BPIFA2: variants seen among roughly 807,000 people sequenced by gnomAD.
The protein encoded by BPIFA2 is BPI fold-containing family A member 2.
BPIFA2 carries 20 observed loss-of-function variants against 25.7 expected under a neutral mutation model. The observed-to-expected ratio is 0.78, with a 90% confidence interval of 0.55 to 1.13. BPIFA2 has a LOEUF of 1.13. Ranked by LOEUF, BPIFA2 falls within the 50% of genes most tolerant of loss-of-function variation. BPIFA2 has a pLI of 0.00. For synonymous variants in BPIFA2, 126 were observed against 124.3 expected, an observed-to-expected ratio of 1.01 and a Z score of -0.09; for missense variants, 300 against 298.1, an observed-to-expected ratio of 1.01 and a Z score of -0.05.
chr20:33,168,374 G>A (rs1316463012), intron 1 of BPIFA2, among the ~76,000 whole-genome samples, 165 bp downstream of exon 1: 1 of 152,138 alleles, frequency 6.6e-6, no homozygotes, highest in Non-Finnish European at 1.5e-5. Context: ...TTCGTGATGA[G>A]TACTCACTAA....
At chr20:33,172,552 T>C (rs567780584) in intron 2 of BPIFA2, among the ~76,000 whole-genome samples, 1 of 152,240 alleles carries the variant, frequency 6.6e-6, no homozygotes, top group Admixed American at 6.5e-5. Flanking sequence ...TTCTTTCTAG[T>C]TTTTCAAACT....
At chr20:33,174,988 T>C (rs117981615) in intron 4 of BPIFA2, among the ~76,000 whole-genome samples, 133 of 152,322 alleles carry the variant, frequency 8.7e-4, no homozygotes, top group Non-Finnish European at 1.6e-3. Flanking sequence ...GTAAACTACA[T>C]GCACTAATGA....
chr20:33,162,144 C>G (rs967419970), intron 1 of BPIFA2, among the ~76,000 whole-genome samples: 2 of 152,106 alleles, frequency 1.3e-5, no homozygotes, highest in African/African-American at 4.8e-5. Flanking sequence ...CCACACCCGG[C>G]TAATTTTTGT....
intron 1 of BPIFA2, among the ~76,000 whole-genome samples, chr20:33,162,730 T>G (rs1983616367): frequency 6.6e-6 from 1 of 152,130 alleles, no homozygotes; most frequent in African/African-American, 2.4e-5. Flanking sequence ...GGACCCAAAT[T>G]GAGGTCTGGC....
intron 5 of BPIFA2, 78 bp downstream of exon 5, chr20:33,175,637 T>A: frequency 7.0e-7 from 1 of 1,434,936 alleles, no homozygotes; most frequent in Non-Finnish European, 9.6e-7. Flanking sequence ...GTCCTCTACC[T>A]AAGAGGAGGC....
In BPIFA2 at chr20:33,169,269, G is replaced by A. The variant is rs142611278; in HGVS notation, c.124G>A (p.Glu42Lys). Residue 42 changes from glutamate to lysine, a missense_variant, in exon 2 of 9, where the codon GAG becomes AAG. By Grantham distance (56) the Glu-to-Lys change is moderately conservative (BLOSUM62 1). Transcript: ENST00000354932. ...GGATAAGCTGGAACCTGTTCTTCAC[G>A]AGGGACTTGAGACAGTTGACAATAC... ...VVDKLEPVLH[E>K]GLETVDNTLK... 1.3e-5 allele frequency: 21 copies of A among 1,614,000 alleles called. No individual in the cohort carries two copies. In the Middle Eastern group the frequency reaches 4.9e-4, roughly 38 times the overall value.
chr20:33,181,060 G>C (rs1223381322), intron 8 of BPIFA2, among the ~76,000 whole-genome samples, 164 bp from the exon 9 acceptor site: 1 of 152,196 alleles, frequency 6.6e-6, no homozygotes, highest in Non-Finnish European at 1.5e-5. Context: ...ACAGGTGCCA[G>C]TTTCTTCTTC....
At chr20:33,162,518 C>T (rs111487224) in intron 1 of BPIFA2, among the ~76,000 whole-genome samples, 1,590 of 152,312 alleles carry the variant, frequency 0.01, 29 homozygotes, top group African/African-American at 0.036. Context: ...TTAATCCTGC[C>T]GCTGGGCACA....
intron 2 of BPIFA2, among the ~76,000 whole-genome samples, chr20:33,170,092 A>G (rs1600597645): frequency 6.6e-6 from 1 of 152,326 alleles, no homozygotes; most frequent in Non-Finnish European, 1.5e-5. Context: ...TGCAGAAAGG[A>G]CTCACACTCT....
At position 33,174,177 on chromosome 20, in the gene BPIFA2, C is replaced by A; in HGVS notation, c.401C>A (p.Thr134Asn). ...AGCTTCCCTGTCACCGCGAATGTCA[C>A]TGTGGCCGGGTGAGTATGCACTAGA... ...NLSFPVTANV[T>N]VAGPIIGQII... The change falls in exon 4 of 9, where the codon ACT becomes AAT. Residue 134 changes from threonine to asparagine, a missense_variant. By Grantham distance (65) the Thr-to-Asn change is moderately conservative. Transcript: ENST00000354932. The A allele has an allele frequency of 2.5e-6, 4 of 1,614,104 alleles. No homozygotes were observed. Among genetic ancestry groups the A allele is most frequent in the Non-Finnish European group, 3.4e-6 (4 of 1,179,940 alleles).
At chr20:33,174,539 A>G (rs1984009691) in intron 4 of BPIFA2, among the ~76,000 whole-genome samples, 1 of 152,254 alleles carries the variant, frequency 6.6e-6, no homozygotes, top group African/African-American at 2.4e-5. Context: ...TCTAAGTTGC[A>G]GTGACCACTA....
chr20:33,180,702 A>T, intron 8 of BPIFA2, 105 bp downstream of exon 8: 1 of 898,088 alleles, frequency 1.1e-6, no homozygotes, highest in Non-Finnish European at 1.7e-6. Flanking sequence ...CCTTCATCTC[A>T]GTCATAGATT....
Position 33,174,145 on chromosome 20 carries a change from T to C in BPIFA2, c.369T>C (p.Leu123=). 6.2e-7 allele frequency: 1 copy of C among 1,614,206 alleles called. No individual in the cohort carries two copies. Among genetic ancestry groups the C allele is most frequent in the Non-Finnish European group, 8.5e-7 (1 of 1,180,040 alleles). The change falls in exon 4 of 9, where the codon CTT becomes CTC. Residue 123 remains leucine, a synonymous_variant. Transcript: ENST00000354932. ...AACCGATCGATGATGGCAAAGGCCTTAACCTGAGCTTCCCTGTCACCGCGA... is the reference window on the plus strand; with the variant it reads ...AACCGATCGATGATGGCAAAGGCCTCAACCTGAGCTTCCCTGTCACCGCGA... The part of the protein sequence containing the change: ...KAEPIDDGKG[L]NLSFPVTANV...
upstream of BPIFA2, among the ~76,000 whole-genome samples, chr20:33,165,441 C>T (rs1483078554): frequency 2.0e-5 from 3 of 152,226 alleles, no homozygotes; most frequent in Admixed American, 6.5e-5. Context: ...CTTCTGTCCA[C>T]AGGAGAAGGA....
Position 33,174,088 on chromosome 20 carries a change from C to T in BPIFA2, c.312C>T (p.Ile104=), listed in dbSNP as rs1163891751. ...PTNTDIFGLK[I]SNSLILDVKA... ...TGTGGGTTTCACACAGGTTGAAAAT[C>T]AGCAACTCCCTCATCCTGGATGTCA... The change falls in exon 4 of 9, where the codon ATC becomes ATT. Residue 104 remains isoleucine, a synonymous_variant. Transcript: ENST00000354932. 8 of 1,614,026 alleles carry T rather than the reference C, an allele frequency of 5.0e-6. No individual in the cohort carries two copies. Among genetic ancestry groups the T allele is most frequent in the Non-Finnish European group, 6.8e-6 (8 of 1,179,912 alleles).
intron 5 of BPIFA2, among the ~76,000 whole-genome samples, chr20:33,175,945 C>T (rs866893908): frequency 6.6e-6 from 1 of 152,128 alleles, no homozygotes; most frequent in Non-Finnish European, 1.5e-5. Context: ...CCTTTCAACT[C>T]GGTCAGTTTC....
chr20:33,171,044 G>C (rs6087461), intron 2 of BPIFA2, among the ~76,000 whole-genome samples: 37,539 of 152,068 alleles, frequency 0.25, 5,957 homozygotes, highest in East Asian at 0.52. Flanking sequence ...GATGGTTGTA[G>C]ACATGTGGTG....
At chr20:33,175,602 T>C in intron 5 of BPIFA2, 43 bp downstream of exon 5, 4 of 1,597,022 alleles carry the variant, frequency 2.5e-6, no homozygotes, top group Non-Finnish European at 3.4e-6. Flanking sequence ...CTCAGGGAAC[T>C]TGAGGACCCC....
At chr20:33,164,406 G>A (rs1244923743), upstream of BPIFA2, among the ~76,000 whole-genome samples, 2 of 152,144 alleles carry the variant, frequency 1.3e-5, no homozygotes, top group Non-Finnish European at 2.9e-5. Context: ...GCCCATGAGG[G>A]GAACCAGACC....
Sources: allele counts gnomAD v4.1 joint callset (sites outside exome capture counted in the v4.1 genomes callset), GRCh38; gene constraint gnomAD v4.1.1; transcripts MANE v1.5; gene names NCBI Gene and HGNC (gene_info 2026-07-23, HGNC 2026-07-21).